The following TNFAIP3 variants were observed in gnomAD, a reference collection of about 807,000 sequenced individuals.
TNFAIP3 encodes TNF alpha induced protein 3, also known as tumor necrosis factor alpha-induced protein 3.
TNFAIP3 carries 9 observed loss-of-function variants against 72.4 expected under a neutral mutation model. That is an observed-to-expected ratio of 0.12 (90% CI 0.07 to 0.22). The LOEUF (loss-of-function observed/expected upper bound fraction) is 0.22. TNFAIP3 is among the 10% of genes least tolerant of loss of function. TNFAIP3 has a pLI of 1.00. For missense variants in TNFAIP3, 833 were observed against 1,018.7 expected (o/e 0.82, Z 2.48); for synonymous variants, 339 against 372.6 (o/e 0.91, Z 1.04).
chr6:137,875,845 C>T lies in TNFAIP3; in HGVS notation c.634+10C>T, dbSNP rs747702591. On this transcript the variant is annotated intron_variant, in intron 4 of 8. Transcript: ENST00000612899. ...ATCATTGTCATTTCAGGTGAGATGCCTGCAGATCACGGATCTGTACTTAAA... is the reference window on the plus strand; with the variant it reads ...ATCATTGTCATTTCAGGTGAGATGCTTGCAGATCACGGATCTGTACTTAAA... 1.2e-6 allele frequency: 2 copies of T among 1,613,976 alleles called. No individual in the cohort carries two copies.
rs1488292329 is a variant in TNFAIP3, at chr6:137,882,951, T to C, written c.*1632T>C. The C allele has an allele frequency of 4.4e-6, 1 of 226,068 alleles. No individual in the cohort carries two copies. Among genetic ancestry groups the C allele is most frequent in the Admixed American group, 5.7e-5 (1 of 17,524 alleles). 14.0% of individuals were successfully genotyped at this position (226,068 alleles called of 1,614,324 possible). A position where few individuals can be genotyped will look rare whatever the true frequency, so the allele number is the denominator to read the frequency against. ...GTCTGTACTTATGGCCTGAAAATAT[T>C]TGTGATCCATAACTCTACACAGCCT... On this transcript the variant is annotated 3_prime_UTR_variant, in exon 9 of 9. Coordinates refer to ENST00000612899, the MANE Select transcript of TNFAIP3 (RefSeq NM_001270508.2).
At chr6:137,872,372 A>T (rs5029934) in intron 2 of TNFAIP3, among the ~76,000 whole-genome samples, 15 of 152,362 alleles carry the variant, frequency 9.8e-5, no homozygotes, top group African/African-American at 3.4e-4. Flanking sequence ...TACAAGCTCA[A>T]TTAAATGCTC....
chr6:137,876,209 A>T (rs755969627), intron 5 of TNFAIP3, 43 bp downstream of exon 5: 2 of 1,526,314 alleles, frequency 1.3e-6, no homozygotes, highest in Non-Finnish European at 1.8e-6. Flanking sequence ...TAGACACTGA[A>T]ACATCAGGGT....
intron 1 of TNFAIP3, among the ~76,000 whole-genome samples, chr6:137,869,703 G>T (rs1341774201): frequency 6.6e-6 from 1 of 152,136 alleles, no homozygotes; most frequent in African/African-American, 2.4e-5. Context: ...TGAGAGTCTA[G>T]ACCCACACAG....
Position 137,878,936 on chromosome 6 carries a change from T to G in TNFAIP3, c.1491T>G (p.Arg497=). The change falls in exon 7 of 9, where the codon CGT becomes CGG. Residue 497 remains arginine (R), a synonymous_variant. Transcript: ENST00000612899. ...LNVQHNGFCE[R]CHNARQLHAS... is the part of the protein sequence containing the mutation. ...TGCAGCACAACGGATTTTGTGAACG[T>G]TGCCACAACGCCCGGCAACTTCACG... The G allele has an allele frequency of 6.2e-7, 1 of 1,614,112 alleles. No individual in the cohort carries two copies. The highest frequency in any genetic ancestry group is 8.5e-7 in the Non-Finnish European group (1 of 1,180,014).
chr6:137,878,078 A>G (rs952790702), intron 6 of TNFAIP3, among the ~76,000 whole-genome samples: 4 of 152,260 alleles, frequency 2.6e-5, no homozygotes, highest in Non-Finnish European at 5.9e-5. Flanking sequence ...TATTTTACTC[A>G]GAATTTGATC....
In TNFAIP3 at chr6:137,881,339, C is replaced by T. The variant is rs373379580; in HGVS notation, c.*20C>T. The T allele has an allele frequency of 6.6e-7, 1 of 1,524,828 alleles. No homozygotes were observed. The highest frequency in any genetic ancestry group is 8.8e-7 in the Non-Finnish European group (1 of 1,136,532). 94.5% of individuals were successfully genotyped at this position (1,524,828 alleles called of 1,614,324 possible). On this transcript the variant is annotated 3_prime_UTR_variant, in exon 9 of 9. Transcript: ENST00000612899. The surrounding 1 kb of genome is among the most constrained non-coding windows in gnomAD (Gnocchi z 5.0). ...GGCTAACCGGAAACAGGTGGGTCAC[C>T]TCCTGCAAGAAGTGGGGCCTCGAGC... is the stretch of plus-strand genomic sequence containing the variant.
chr6:137,877,822 C>T (rs1008622332), intron 6 of TNFAIP3, among the ~76,000 whole-genome samples: 4 of 152,154 alleles, frequency 2.6e-5, no homozygotes, highest in East Asian at 1.9e-4. Flanking sequence ...GCACTTGAAA[C>T]GCACAACAGA....
intron 3 of TNFAIP3, 28 bp downstream of exon 3, chr6:137,875,063 A>G (rs1487650327): frequency 1.9e-6 from 3 of 1,612,906 alleles, no homozygotes; most frequent in East Asian, 2.2e-5. Flanking sequence ...ATTATCTACT[A>G]ACAGAGCTCC....
upstream of TNFAIP3, chr6:137,866,574 T>TAA (rs1775842338): frequency 6.6e-6 from 1 of 152,434 alleles, no homozygotes; most frequent in Non-Finnish European, 1.5e-5. Context: ...TTCTGATTCC[T>TAA]AAGTTTACCT....
chr6:137,876,323 A>G (rs1432837563), intron 5 of TNFAIP3, 157 bp downstream of exon 5: 1 of 651,922 alleles, frequency 1.5e-6, no homozygotes, highest in East Asian at 2.8e-5. Context: ...ATGCAGTAGC[A>G]GTAATCATAA....
rs374243533 is a variant in TNFAIP3, at chr6:137,877,209, C to T, written c.939C>T (p.Pro313=). The part of the protein sequence containing the change: ...LKEYLMVIEI[P]VQGWDHGTTH... ...AGTACTTAATGGTGATAGAAATCCC[C>T]GTCCAAGGCTGGGACCATGGCACAA... The change falls in exon 6 of 9, where the codon CCC becomes CCT. Residue 313 remains proline, a synonymous_variant. Transcript: ENST00000612899. The T allele has an allele frequency of 2.5e-6, 4 of 1,613,572 alleles. No homozygotes were observed. Among genetic ancestry groups the T allele is most frequent in the South Asian group, 2.2e-5 (2 of 90,980 alleles).
chr6:137,880,863 T>A (rs1287338179), intron 8 of TNFAIP3, among the ~76,000 whole-genome samples, 172 bp from the exon 9 acceptor site: 1 of 152,094 alleles, frequency 6.6e-6, no homozygotes, highest in Non-Finnish European at 1.5e-5. Flanking sequence ...GAAAGAAACA[T>A]CCTTCGAGAG....
intron 6 of TNFAIP3, among the ~76,000 whole-genome samples, chr6:137,877,513 A>G (rs544057921): frequency 1.4e-3 from 206 of 152,384 alleles, no homozygotes; most frequent in South Asian, 3.9e-3. Context: ...TCAGAATTGC[A>G]GAATTATGGG....
rs1046707099 is a variant in TNFAIP3, at chr6:137,882,371, A to T, written c.*1052A>T. The T allele has an allele frequency of 4.3e-6, 1 of 232,692 alleles. No individual in the cohort carries two copies. Among genetic ancestry groups the T allele is most frequent in the South Asian group, 1.8e-4 (1 of 5,522 alleles). The allele number at this position is 232,692 out of a possible 1,614,324, so 14.4% of individuals were successfully genotyped here. ...AAGATATTTCTTCAGCTCTGGGGAA[A>T]ATGCCACAGTGTTCTCCTGAGAGAA... On this transcript the variant is annotated 3_prime_UTR_variant, in exon 9 of 9. Transcript: ENST00000612899.
chr6:137,873,687 C>T (rs956664609), intron 2 of TNFAIP3, among the ~76,000 whole-genome samples: 2 of 152,088 alleles, frequency 1.3e-5, no homozygotes, highest in African/African-American at 2.4e-5. Context: ...TTCAACAGAA[C>T]GCAATCATTG....
At chr6:137,872,813 C>T (rs559370122) in intron 2 of TNFAIP3, among the ~76,000 whole-genome samples, 5 of 152,180 alleles carry the variant, frequency 3.3e-5, no homozygotes, top group African/African-American at 9.6e-5. Flanking sequence ...TAATCATCTC[C>T]CATTTGTTAC....
chr6:137,869,329 GGATGGATA>G (rs1182348688), intron 1 of TNFAIP3, among the ~76,000 whole-genome samples: 4 of 147,198 alleles, frequency 2.7e-5, no homozygotes, highest in Non-Finnish European at 6.0e-5. Context: ...ATGGGTGGAT[GGATGGATA>G]GATGGATGGA....
intron 8 of TNFAIP3, 69 bp downstream of exon 8, chr6:137,880,321 C>T (rs185915470): frequency 3.5e-5 from 54 of 1,536,634 alleles, no homozygotes; most frequent in East Asian, 1.1e-4. Context: ...CGTTTTCTAC[C>T]GACAGTGACA....
Sources: allele counts gnomAD v4.1 joint callset (sites outside exome capture counted in the v4.1 genomes callset), GRCh38; gene constraint gnomAD v4.1.1; non-coding constraint Gnocchi (gnomAD v3.1); transcripts MANE v1.5; gene names NCBI Gene and HGNC (gene_info 2026-07-23, HGNC 2026-07-21).